The following LPA variants were observed in gnomAD, a reference collection of about 807,000 sequenced individuals.
LPA encodes apolipoprotein(a).
A neutral mutation model predicts 197.9 loss-of-function variants in LPA; 199 were observed. The observed-to-expected ratio is 1.01, with a 90% CI of 0.90 to 1.13. The LOEUF (loss-of-function observed/expected upper bound fraction) is 1.13. Among genes scored for constraint, LPA ranks in the 50% most tolerant of loss-of-function variants. The probability of loss-of-function intolerance (pLI) is 0.00; values close to 1 mark genes in which losing one functional copy is unlikely to be tolerated. For missense variants in LPA, 1,853 were observed against 1,785.8 expected (o/e 1.04, Z -0.68); for synonymous variants, 715 against 639.5 (o/e 1.12, Z -1.78).
At chr6:160,640,615 GC>G in intron 5 of LPA, 51 bp downstream of exon 5, 1 of 131,650 alleles carries the variant, frequency 7.6e-6, no homozygotes, top group Non-Finnish European at 1.3e-5. Context: ...AATTTCCATG[GC>G]TTTTCATCCC....
chr6:160,558,658 C>T (rs1181873706), intron 28 of LPA, among the ~76,000 whole-genome samples: 5 of 152,130 alleles, frequency 3.3e-5, no homozygotes, highest in Non-Finnish European at 7.3e-5. Context: ...GGACCCAAGT[C>T]ATAAAGGGCG....
At chr6:160,558,255 T>C (rs1368684052) in intron 28 of LPA, among the ~76,000 whole-genome samples, 1 of 152,102 alleles carries the variant, frequency 6.6e-6, no homozygotes, top group Non-Finnish European at 1.5e-5. Flanking sequence ...TGTATTGGTA[T>C]CTGTCTCATT....
chr6:160,606,281 C>A (rs532614584), intron 17 of LPA, among the ~76,000 whole-genome samples, 196 bp downstream of exon 17: 2 of 152,268 alleles, frequency 1.3e-5, no homozygotes, highest in East Asian at 1.9e-4. Flanking sequence ...TCTAAAGACA[C>A]AGCCCACCCA....
At chr6:160,539,293 G>C (rs1241033208) in intron 36 of LPA, among the ~76,000 whole-genome samples, 4 of 152,126 alleles carry the variant, frequency 2.6e-5, no homozygotes, top group Non-Finnish European at 5.9e-5. Flanking sequence ...TGATTGTACT[G>C]TCACCTAGGT....
At chr6:160,543,717 A>G (rs1008644852) in intron 33 of LPA, among the ~76,000 whole-genome samples, 109 of 152,328 alleles carry the variant, frequency 7.2e-4, no homozygotes, top group Non-Finnish European at 3.5e-4. Flanking sequence ...CAGAAATTAT[A>G]CCCTACTCCT....
chr6:160,574,772 G>A (rs1228587805), intron 28 of LPA, among the ~76,000 whole-genome samples: 2 of 152,130 alleles, frequency 1.3e-5, no homozygotes, highest in Admixed American at 6.5e-5. Flanking sequence ...CCCTTATCCT[G>A]CAGGAGCAGT....
rs747640929 is a variant in LPA, at chr6:160,548,489, G to T, written c.5144C>A (p.Pro1715His). 2.4e-5 allele frequency: 39 copies of T among 1,613,970 alleles called. No homozygotes were observed. Among genetic ancestry groups the T allele is most frequent in the Non-Finnish European group, 3.1e-5 (37 of 1,179,978 alleles). ...TVIQVPSLGPPSEQDCMFGNG... is the reference protein window; with the variant it reads ...TVIQVPSLGPHSEQDCMFGNG... ...CACAGACTTCTTACCTTGTTCAGAA[G>T]GAGGCCCTAGGCTTGGAACCTGGAT... The change falls in exon 31 of 39, where the codon CCT becomes CAT. Residue 1715 changes from proline to histidine, a missense_variant. By Grantham distance (77) the Pro-to-His change is moderately conservative. Coordinates refer to ENST00000316300, the MANE Select transcript of LPA (RefSeq NM_005577.4).
At chr6:160,575,522 T>C (rs1778639422) in intron 28 of LPA, among the ~76,000 whole-genome samples, 1 of 152,230 alleles carries the variant, frequency 6.6e-6, no homozygotes, top group Non-Finnish European at 1.5e-5. Context: ...GATGGGCAAC[T>C]AATTTATGTT....
intron 26 of LPA, among the ~76,000 whole-genome samples, chr6:160,584,237 TTCCTCC>T (rs1222927075): frequency 9.1e-4 from 63 of 69,460 alleles, no homozygotes; most frequent in African/African-American, 2.2e-3. Flanking sequence ...CTTCTTCTTC[TTCCTCC>T]TCCTCCTCCT....
chr6:160,591,340 G>A (rs1389764507), intron 22 of LPA, among the ~76,000 whole-genome samples: 1 of 152,120 alleles, frequency 6.6e-6, no homozygotes, highest in African/African-American at 2.4e-5. Context: ...AGAAAACCGA[G>A]AGAAAACATC....
intron 1 of LPA, among the ~76,000 whole-genome samples, chr6:160,651,141 C>A (rs1185508071): frequency 1.3e-5 from 2 of 152,158 alleles, no homozygotes; most frequent in Non-Finnish European, 2.9e-5. Flanking sequence ...AAGTTCCATC[C>A]AAATAAGGCA....
At position 160,589,553 on chromosome 6, in the gene LPA, C is replaced by T; in HGVS notation, c.3947G>A (p.Gly1316Asp). 6.2e-7 allele frequency: 1 copy of T among 1,613,406 alleles called. No individual in the cohort carries two copies. Among genetic ancestry groups the T allele is most frequent in the Non-Finnish European group, 8.5e-7 (1 of 1,179,748 alleles). Residue 1316 changes from glycine to aspartate, a missense_variant and splice_region_variant, in exon 24 of 39, where the codon GGT becomes GAT. Around this residue, in one of 3 missense-constraint regions of LPA, gnomAD observed 1,737 missense variants for 1,504.4 expected, o/e 1.15. Coordinates refer to ENST00000316300, the MANE Select transcript of LPA (RefSeq NM_005577.4). Reference sequence around the variant, plus strand: ...CTTGGGAGAAAACTCAAAGACATACCCATTTGGGTAGTATTCTGTGGTTCT... The same window carrying T: ...CTTGGGAGAAAACTCAAAGACATACTCATTTGGGTAGTATTCTGTGGTTCT... ...HQRTTEYYPN[G>D]GLTRNYCRNP...
At chr6:160,610,567 G>C (rs1468106904) in intron 16 of LPA, among the ~76,000 whole-genome samples, 1 of 152,124 alleles carries the variant, frequency 6.6e-6, no homozygotes, top group Non-Finnish European at 1.5e-5. Flanking sequence ...ACTTTCTGTA[G>C]AACCATTTTC....
Position 160,578,619 on chromosome 6 carries a change from A to C in LPA, c.4375T>G (p.Tyr1459Asp). ...ACTGGACATCGTGTCAGGTTGCAGT[A>C]CTCCCACCTGACACTGGGATCCATG... is the stretch of plus-strand genomic sequence containing the variant. ...YTMDPSVRWE[Y>D]CNLTRCPVTE... The change falls in exon 27 of 39, where the codon TAC becomes GAC. Residue 1459 changes from tyrosine to aspartate, a missense_variant. By Grantham distance (160) the Tyr-to-Asp change is radical (BLOSUM62 -3). Around this residue, in one of 3 missense-constraint regions of LPA, gnomAD observed 1,737 missense variants for 1,504.4 expected, o/e 1.15. Transcript: ENST00000316300. 1 of 1,613,896 alleles carries C rather than the reference A, an allele frequency of 6.2e-7. No individual in the cohort carries two copies.
At chr6:160,588,109 G>A (rs1778951055) in intron 24 of LPA, among the ~76,000 whole-genome samples, 1 of 152,156 alleles carries the variant, frequency 6.6e-6, no homozygotes, top group South Asian at 2.1e-4. Context: ...TTCTGGGCCT[G>A]TTTGTGTTGA....
At chr6:160,580,046 C>T (rs182010279) in intron 26 of LPA, among the ~76,000 whole-genome samples, 4 of 152,268 alleles carry the variant, frequency 2.6e-5, no homozygotes, top group Admixed American at 2.6e-4. Flanking sequence ...CTCTGCTACC[C>T]TCTTCCCACG....
chr6:160,576,388 A>ACG (rs1778670388), intron 28 of LPA, among the ~76,000 whole-genome samples: 1 of 50,234 alleles, frequency 2.0e-5, no homozygotes, highest in Admixed American at 2.5e-4. Flanking sequence ...ATATATATAT[A>ACG]TGTATATATA....
intron 37 of LPA, among the ~76,000 whole-genome samples, chr6:160,535,798 A>G (rs1038848813): frequency 3.3e-5 from 5 of 152,132 alleles, no homozygotes; most frequent in Non-Finnish European, 5.9e-5. Context: ...CGGAGGCTAA[A>G]AGAGATTAAA....
chr6:160,609,919 C>T (rs1163755850), intron 16 of LPA, among the ~76,000 whole-genome samples: 3 of 151,928 alleles, frequency 2.0e-5, no homozygotes, highest in East Asian at 3.9e-4. Flanking sequence ...ATTTTTCAGG[C>T]GGACATACAG....
Sources: allele counts gnomAD v4.1 joint callset (sites outside exome capture counted in the v4.1 genomes callset), GRCh38; gene constraint gnomAD v4.1.1; regional missense constraint gnomAD v4.1.1; transcripts MANE v1.5; gene names NCBI Gene and HGNC (gene_info 2026-07-23, HGNC 2026-07-21).